The following PTPN14 variants were observed in gnomAD, a reference collection of about 807,000 sequenced individuals.
PTPN14 encodes the protein tyrosine-protein phosphatase non-receptor type 14.
PTPN14 carries 53 observed loss-of-function variants against 126.8 expected under a neutral mutation model. That is an observed-to-expected ratio of 0.42 (90% CI 0.34 to 0.53). The LOEUF is 0.53. Among genes scored for constraint, PTPN14 ranks in the 20% least tolerant of loss-of-function variants. The pLI, the probability that PTPN14 is intolerant of heterozygous loss-of-function variation, is 0.08. For missense variants in PTPN14, 1,257 were observed against 1,552.9 expected, an observed-to-expected ratio of 0.81 and a Z score of 3.20; for synonymous variants, 630 against 599.3, an observed-to-expected ratio of 1.05 and a Z score of -0.75.
chr1:214,437,828 G>A (rs796901078), intron 3 of PTPN14, among the ~76,000 whole-genome samples: 7 of 152,238 alleles, frequency 4.6e-5, no homozygotes, highest in African/African-American at 1.7e-4. Flanking sequence ...TCTACTAACA[G>A]AAAAGACCAG....
intron 6 of PTPN14, among the ~76,000 whole-genome samples, chr1:214,402,627 C>G (rs1014102861): frequency 3.2e-5 from 2 of 61,674 alleles, no homozygotes; most frequent in Non-Finnish European, 5.7e-5. Context: ...TTCCCAGATT[C>G]TCTAAGGAAG....
Position 214,451,923 on chromosome 1 carries a change from C to A in PTPN14, c.226G>T (p.Val76Leu), listed in dbSNP as rs956920293. Residue 76 changes from valine to leucine, a missense_variant, in exon 3 of 19, where the codon GTG becomes TTG. Val to Leu is a conservative substitution (Grantham distance 32, BLOSUM62 1). Around this residue, in one of 3 missense-constraint regions of PTPN14, gnomAD observed 1,021 missense variants for 1,183.3 expected, o/e 0.86. Coordinates refer to ENST00000366956, the MANE Select transcript of PTPN14 (RefSeq NM_005401.5). ...TTCTTCAGAGGTTTCTCCAGCTCCA[C>A]CCATCGTGCTTGCTGGCTCTTGCTG... is the stretch of plus-strand genomic sequence containing the variant. ...FLSKSQQARWVELEKPLKKHL... is the reference protein window; with the variant it reads ...FLSKSQQARWLELEKPLKKHL... The A allele has an allele frequency of 5.6e-6, 9 of 1,614,088 alleles. No homozygotes were observed. Among genetic ancestry groups the A allele is most frequent in the African/African-American group, 2.7e-5 (2 of 74,932 alleles).
intron 18 of PTPN14, among the ~76,000 whole-genome samples, chr1:214,358,796 G>A (rs1657885235): frequency 6.7e-6 from 1 of 150,202 alleles, no homozygotes; most frequent in Non-Finnish European, 1.5e-5. Context: ...AGGCTGGAGT[G>A]TAGTGGTGTG....
intron 8 of PTPN14, among the ~76,000 whole-genome samples, chr1:214,397,008 G>C (rs1658894632): frequency 6.6e-6 from 1 of 152,152 alleles, no homozygotes; most frequent in Non-Finnish European, 1.5e-5. Flanking sequence ...TGTCACTCCT[G>C]CTTCAATAAT....
rs774224839 is a variant in PTPN14, at chr1:214,384,701, T to C, written c.1154A>G (p.Asn385Ser). ...DLNYLNGTVT[N>S]GSVCSVHSVN... ...GCTGTGAACGCTACACACGCTGCCA[T>C]TGGTGACAGTGCCATTTAAATAATT... Residue 385 changes from asparagine to serine, a missense_variant, in exon 13 of 19, where the codon AAT (asparagine) becomes AGT (serine). This residue lies in a region of PTPN14 where 1,021 missense variants were observed against 1,183.3 expected (regional missense o/e 0.86). Transcript: ENST00000366956. The surrounding 1 kb of genome is among the most constrained non-coding windows in gnomAD (Gnocchi z 5.3). 6.2e-6 allele frequency: 10 copies of C among 1,614,026 alleles called. No homozygotes were observed. Among genetic ancestry groups the C allele is most frequent in the South Asian group, 3.3e-5 (3 of 91,078 alleles).
chr1:214,536,321 T>C (rs1023644275), intron 1 of PTPN14, among the ~76,000 whole-genome samples: 1 of 151,996 alleles, frequency 6.6e-6, no homozygotes, highest in Non-Finnish European at 1.5e-5. Flanking sequence ...GGTGGAAGGA[T>C]TGCTTGAGCC....
At chr1:214,502,663 A>G (rs1654735860) in intron 1 of PTPN14, among the ~76,000 whole-genome samples, 1 of 152,152 alleles carries the variant, frequency 6.6e-6, no homozygotes, top group African/African-American at 2.4e-5. Flanking sequence ...GAGGCCAACT[A>G]AACAGTTTTA....
intron 3 of PTPN14, among the ~76,000 whole-genome samples, chr1:214,425,937 A>C (rs1038493932): frequency 5.3e-5 from 8 of 150,444 alleles, no homozygotes; most frequent in Non-Finnish European, 1.0e-4. Flanking sequence ...TGACTTGCCA[A>C]GTCTTCTGAT....
chr1:214,475,141 T>G (rs61819634), intron 1 of PTPN14, among the ~76,000 whole-genome samples: 4,680 of 152,228 alleles, frequency 0.031, 104 homozygotes, highest in Middle Eastern at 0.065. Context: ...ATTTCCATAA[T>G]AATAAGCTGG....
rs149355120 is a variant in PTPN14, at chr1:214,498,767, A to G, written c.-154-33810T>C. ...GGCCATATAAATTAAAATTTAAAAT[A>G]CCCATATGCCCATACCCTTTAAAAT... On this transcript the variant is annotated intron_variant, in intron 1 of 18. Coordinates refer to ENST00000366956, the MANE Select transcript of PTPN14 (RefSeq NM_005401.5). Among the ~76,000 whole-genome samples the G allele has an allele frequency of 5.3e-5, 8 of 152,202 alleles. 1 individual carries two copies. In the East Asian group the frequency reaches 1.4e-3, roughly 26 times the overall value.
intron 1 of PTPN14, among the ~76,000 whole-genome samples, chr1:214,475,138 T>C (rs1209090093): frequency 6.6e-6 from 1 of 152,094 alleles, no homozygotes. Context: ...AAAATTTCCA[T>C]AATAATAAGC....
intron 1 of PTPN14, among the ~76,000 whole-genome samples, chr1:214,494,494 G>A (rs942097151): frequency 2.6e-5 from 4 of 152,098 alleles, no homozygotes; most frequent in Non-Finnish European, 5.9e-5. Context: ...AATGCTTTTT[G>A]GTCAAAATAG....
chr1:214,402,437 C>CAAAAAAAAA (rs1165595746), intron 6 of PTPN14, among the ~76,000 whole-genome samples: 3 of 48,142 alleles, frequency 6.2e-5, no homozygotes, highest in African/African-American at 2.9e-4. Flanking sequence ...GAGACTCTGT[C>CAAAAAAAAA]AAAAAAAAAA....
intron 1 of PTPN14, among the ~76,000 whole-genome samples, chr1:214,524,962 C>T (rs1287716528): frequency 6.6e-6 from 1 of 152,072 alleles, no homozygotes; most frequent in Admixed American, 6.6e-5. Context: ...TAAGTGTACA[C>T]TATAAAGGAA....
intron 1 of PTPN14, among the ~76,000 whole-genome samples, chr1:214,535,881 G>C (rs1655692008): frequency 6.6e-6 from 1 of 152,032 alleles, no homozygotes; most frequent in Non-Finnish European, 1.5e-5. Context: ...GGGTAAAGCT[G>C]TGTTACCACT....
At chr1:214,369,263 G>A (rs990604436) in intron 17 of PTPN14, among the ~76,000 whole-genome samples, 194 bp downstream of exon 17, 1 of 152,106 alleles carries the variant, frequency 6.6e-6, no homozygotes, top group Non-Finnish European at 1.5e-5. Flanking sequence ...GTGCATGAAA[G>A]GTAAACAGAA....
At chr1:214,489,763 CAAATGCATGAGA>C (rs1661190563) in intron 1 of PTPN14, among the ~76,000 whole-genome samples, 1 of 152,174 alleles carries the variant, frequency 6.6e-6, no homozygotes, top group Non-Finnish European at 1.5e-5. Flanking sequence ...GCTGACTGAA[CAAATGCATGAGA>C]AAGAGAACTG....
chr1:214,421,450 T>A (rs1400977050), intron 3 of PTPN14, among the ~76,000 whole-genome samples: 1 of 152,180 alleles, frequency 6.6e-6, no homozygotes, highest in Non-Finnish European at 1.5e-5. Flanking sequence ...TGACAGTGGC[T>A]GCACAACTTT....
At chr1:214,377,864 A>C in intron 14 of PTPN14, 95 bp downstream of exon 14, 1 of 1,433,582 alleles carries the variant, frequency 7.0e-7, no homozygotes, top group Non-Finnish European at 9.5e-7. Context: ...AGAATGCATC[A>C]CACAAATCTC....
Sources: allele counts gnomAD v4.1 joint callset (sites outside exome capture counted in the v4.1 genomes callset), GRCh38; gene constraint gnomAD v4.1.1; regional missense constraint gnomAD v4.1.1; non-coding constraint Gnocchi (gnomAD v3.1); transcripts MANE v1.5; gene names NCBI Gene and HGNC (gene_info 2026-07-23, HGNC 2026-07-21).